Variants in IP6K2 observed in about 807,000 individuals in gnomAD.
IP6K2 encodes ATP:1D-myo-inositol-hexakisphosphate phosphotransferase.
In IP6K2, 9 loss-of-function variants were observed where a neutral mutation model predicts 43.3. The ratio of observed to expected loss-of-function variants is 0.21; its 90% CI spans 0.13 to 0.36. The LOEUF (loss-of-function observed/expected upper bound fraction) is 0.36, where lower values mean the gene tolerates loss of function less well. IP6K2 is among the 10% of genes least tolerant of loss of function. IP6K2 has a pLI of 1.00. For missense variants in IP6K2, 332 were observed against 538.4 expected, an observed-to-expected ratio of 0.62 and a Z score of 3.79; for synonymous variants, 209 against 202.4, an observed-to-expected ratio of 1.03 and a Z score of -0.28.
chr3:48,692,715 T>C (rs956558771), intron 3 of IP6K2, among the ~76,000 whole-genome samples: 2 of 152,220 alleles, frequency 1.3e-5, no homozygotes, highest in Admixed American at 6.5e-5. Flanking sequence ...AGAGCAGTCA[T>C]AGAAGAGTGA....
chr3:48,691,379 G>A lies in IP6K2; in HGVS notation c.532C>T (p.Pro178Ser), dbSNP rs2077765342. The stretch of plus-strand genomic sequence containing the variant: ...TGCTGGTGACATTTCATGCTCCAAG[G>A]GTTATAGTGTTTAAGCTGGGAACTT... ...NISSQLKHYN[P>S]WSMKCHQQQL... The change falls in exon 4 of 6, where the codon CCT becomes TCT. Residue 178 changes from proline to serine, a missense_variant. Pro to Ser is a moderately conservative substitution (Grantham distance 74). Coordinates refer to ENST00000328631, the MANE Select transcript of IP6K2 (RefSeq NM_016291.4). 1.2e-6 allele frequency: 2 copies of A among 1,613,538 alleles called. No individual in the cohort carries two copies. Among genetic ancestry groups the A allele is most frequent in the Non-Finnish European group, 8.5e-7 (1 of 1,179,598 alleles).
chr3:48,694,821 A>G (rs1300172700), intron 2 of IP6K2: 3 of 1,536,460 alleles, frequency 2.0e-6, no homozygotes, highest in Non-Finnish European at 2.6e-6. Flanking sequence ...TGATCAAGAG[A>G]CACCTGAACA....
At position 48,693,055 on chromosome 3, in the gene IP6K2, C is replaced by G. The variant is rs765975834; in HGVS notation, c.327G>C (p.Lys109Asn). Residue 109 changes from lysine to asparagine, a missense_variant, in exon 3 of 6, where the codon AAG becomes AAC. Transcript: ENST00000328631. ...VDNSDCEPKS[K>N]LLRWTTNKKH... ...TTTTGTTTGTTGTCCACCTTAGGAG[C>G]TTACTTTTTGGTTCACAGTCTGAAT... 6.2e-6 allele frequency: 10 copies of G among 1,614,056 alleles called. No homozygotes were observed. Among genetic ancestry groups the G allele is most frequent in the Non-Finnish European group, 6.8e-6 (8 of 1,180,008 alleles).
chr3:48,695,383 C>T lies in IP6K2; in HGVS notation c.-92G>A, dbSNP rs184044431. The T allele has an allele frequency of 1.9e-4, 282 of 1,467,108 alleles. 1 individual carries two copies. In the South Asian group the frequency reaches 3.0e-3, roughly 16 times the overall value. The allele number at this position is 1,467,108 out of a possible 1,614,324, so 90.9% of individuals were successfully genotyped here. ...CTGTTGTTTGTCCGTGTGTCCCTCTCGTCTTGGCTCCTTGGCTTGTTCTGG... is the reference window on the plus strand; with the variant it reads ...CTGTTGTTTGTCCGTGTGTCCCTCTTGTCTTGGCTCCTTGGCTTGTTCTGG... On this transcript the variant is annotated 5_prime_UTR_variant, in exon 2 of 6. Transcript: ENST00000328631. This position sits in a 1 kb window ranked among gnomAD's most constrained non-coding sequence, Gnocchi z 4.6.
chr3:48,694,233 G>A, intron 2 of IP6K2: 1 of 1,551,514 alleles, frequency 6.4e-7, no homozygotes, highest in Admixed American at 2.0e-5. Flanking sequence ...GGGGCCTTTG[G>A]CTTTGTCCTG....
At chr3:48,699,672 G>C (rs2078811953) in intron 1 of IP6K2, 1 of 152,162 alleles carries the variant, frequency 6.6e-6, no homozygotes, top group Admixed American at 6.5e-5. Flanking sequence ...GGCAGAATTA[G>C]GGAAACAATT....
intron 2 of IP6K2, 74 bp from the exon 3 acceptor site, chr3:48,693,253 ATTTG>A: frequency 7.2e-7 from 1 of 1,383,494 alleles, no homozygotes; most frequent in Non-Finnish European, 1.0e-6. Flanking sequence ...TGATTGTAAC[ATTTG>A]TTTTTTTCTT....
intron 2 of IP6K2, chr3:48,694,014 C>CGGTGG: frequency 2.2e-6 from 3 of 1,389,688 alleles, no homozygotes; most frequent in Admixed American, 3.5e-5. Context: ...AACACCTTTC[C>CGGTGG]TCCCAGGCCT....
chr3:48,690,863 T>G (rs1386175698), intron 4 of IP6K2, among the ~76,000 whole-genome samples: 1 of 151,890 alleles, frequency 6.6e-6, no homozygotes, highest in Non-Finnish European at 1.5e-5. Flanking sequence ...TATTTCCTTA[T>G]GCACAGCTCA....
intron 2 of IP6K2, 42 bp from the exon 3 acceptor site, chr3:48,693,221 G>C: frequency 6.7e-7 from 1 of 1,495,266 alleles, no homozygotes; most frequent in Non-Finnish European, 9.3e-7. Flanking sequence ...TAATTTAGCA[G>C]GAAGAAGCGT....
At chr3:48,694,421 A>G in intron 2 of IP6K2, 2 of 1,548,030 alleles carry the variant, frequency 1.3e-6, no homozygotes, top group Non-Finnish European at 1.7e-6. Context: ...TAACCAGGTA[A>G]TGCACATTTA....
At chr3:48,692,813 G>A in intron 3 of IP6K2, 141 bp downstream of exon 3, 1 of 680,668 alleles carries the variant, frequency 1.5e-6, no homozygotes, top group Non-Finnish European at 2.6e-6. Flanking sequence ...GGCTGAGTAT[G>A]CCATGTGGGA....
chr3:48,689,619 T>C lies in IP6K2; in HGVS notation c.699A>G (p.Ser233=), dbSNP rs1425929067. Residue 233 remains serine (S), a synonymous_variant, in exon 5 of 6, where the codon TCA becomes TCG. Transcript: ENST00000328631. ...MGTRQHGDDA[S]EEKAANQIRK... ...GGATCTGGTTGGCTGCCTTCTCCTC[T>C]GAAGCATCATCACCATGTTGTCGTG... 7 of 1,614,118 alleles carry C rather than the reference T, an allele frequency of 4.3e-6. No individual in the cohort carries two copies. In the East Asian group the frequency reaches 1.6e-4, roughly 36 times the overall value.
chr3:48,703,862 G>A (rs918887249), intron 1 of IP6K2, among the ~76,000 whole-genome samples: 19 of 152,022 alleles, frequency 1.2e-4, no homozygotes, highest in African/African-American at 4.1e-4. Context: ...AGGCAGAGGC[G>A]GGCAGATCAC....
chr3:48,700,572 G>C (rs984081379), intron 1 of IP6K2, among the ~76,000 whole-genome samples: 2 of 152,104 alleles, frequency 1.3e-5, no homozygotes, highest in African/African-American at 4.8e-5. Context: ...ATCCATCCTA[G>C]CACAGCATAC....
At chr3:48,697,256 G>A (rs1461110774) in intron 1 of IP6K2, among the ~76,000 whole-genome samples, 4 of 151,614 alleles carry the variant, frequency 2.6e-5, no homozygotes, top group South Asian at 4.2e-4. Flanking sequence ...TCCTGACCTC[G>A]TGATCCGCCC....
intron 2 of IP6K2, chr3:48,694,336 C>A (rs2078071947): frequency 6.5e-7 from 1 of 1,548,446 alleles, no homozygotes; most frequent in East Asian, 2.4e-5. Flanking sequence ...GAGAAAGGCA[C>A]CCAGTACATT....
chr3:48,704,377 AT>A, intron 1 of IP6K2, among the ~76,000 whole-genome samples: 2 of 151,788 alleles, frequency 1.3e-5, no homozygotes, highest in South Asian at 4.2e-4. Context: ...AAACAAAAAT[AT>A]TTTTTTCATT....
intron 2 of IP6K2, chr3:48,694,541 TA>T (rs2078100442): frequency 6.6e-7 from 1 of 1,521,190 alleles, no homozygotes; most frequent in Non-Finnish European, 8.8e-7. Flanking sequence ...AAATACATTA[TA>T]AAAAGAAATA....
Sources: allele counts gnomAD v4.1 joint callset (sites outside exome capture counted in the v4.1 genomes callset), GRCh38; gene constraint gnomAD v4.1.1; non-coding constraint Gnocchi (gnomAD v3.1); transcripts MANE v1.5; gene names NCBI Gene and HGNC (gene_info 2026-07-23, HGNC 2026-07-21).